The following CECR2 variants were observed in gnomAD, a reference collection of about 807,000 sequenced individuals.
CECR2 encodes the protein CECR2 histone acetyl-lysine reader, also known as chromatin remodeling regulator CECR2.
Under a neutral mutation model 154.5 loss-of-function variants are expected in CECR2, and 30 were observed. The ratio of observed to expected loss-of-function variants is 0.19; its 90% confidence interval spans 0.15 to 0.26. The LOEUF (loss-of-function observed/expected upper bound fraction) is 0.26. Among genes scored for constraint, CECR2 ranks in the 10% least tolerant of loss-of-function variants. The probability of loss-of-function intolerance (pLI) is 1.00; values close to 1 mark genes in which losing one functional copy is unlikely to be tolerated. For missense variants in CECR2, 1,743 were observed against 1,829.3 expected, an observed-to-expected ratio of 0.95 and a Z score of 0.86; for synonymous variants, 725 against 683.7, an observed-to-expected ratio of 1.06 and a Z score of -0.94.
At chr22:17,479,539 G>T (rs1412089059) in intron 2 of CECR2, among the ~76,000 whole-genome samples, 2 of 152,096 alleles carry the variant, frequency 1.3e-5, no homozygotes, top group African/African-American at 4.8e-5. Flanking sequence ...TCACATATGG[G>T]CTGTTTTCTC....
At chr22:17,471,827 G>A (rs183084495) in intron 1 of CECR2, among the ~76,000 whole-genome samples, 311 of 152,198 alleles carry the variant, frequency 2.0e-3, no homozygotes, top group African/African-American at 7.2e-3. Context: ...GAGCCACCAC[G>A]CCTGGCCATA....
At chr22:17,466,563 A>G (rs768804110) in intron 1 of CECR2, among the ~76,000 whole-genome samples, 2 of 151,782 alleles carry the variant, frequency 1.3e-5, no homozygotes, top group Non-Finnish European at 2.9e-5. Flanking sequence ...ATCTGTCCCC[A>G]AGATGGTAAC....
intron 16 of CECR2, among the ~76,000 whole-genome samples, chr22:17,546,359 G>A (rs1037617699): frequency 1.3e-5 from 2 of 151,808 alleles, no homozygotes; most frequent in South Asian, 2.1e-4. Flanking sequence ...GGTGTCGGGC[G>A]CCTGTAGTCC....
intron 8 of CECR2, among the ~76,000 whole-genome samples, chr22:17,523,003 T>TCGG (rs2056183402): frequency 3.0e-4 from 42 of 142,296 alleles, no homozygotes; most frequent in East Asian, 1.2e-3. Flanking sequence ...AGACTCCATC[T>TCGG]CGGGGGGAAA....
In CECR2 at chr22:17,549,431, G is replaced by C; in HGVS notation, c.4144G>C (p.Gly1382Arg). The change falls in exon 17 of 19, where the codon GGC becomes CGC. Residue 1382 changes from glycine (G) to arginine (R), a missense_variant. Coordinates refer to ENST00000262608, the MANE Select transcript of CECR2 (RefSeq NM_001290047.2). ...CCACCCAGGGGCCACCCAGCCCAAC[G>C]GCCTCTCTCAGGAGGGTCCCATCTA... Reference protein sequence around the residue: ...PHHPGATQPNGLSQEGPIYRC... With the variant: ...PHHPGATQPNRLSQEGPIYRC... 1 of 1,613,112 alleles carries C rather than the reference G, an allele frequency of 6.2e-7. No individual in the cohort carries two copies. Among genetic ancestry groups the C allele is most frequent in the East Asian group, 2.2e-5 (1 of 44,858 alleles).
intron 1 of CECR2, among the ~76,000 whole-genome samples, chr22:17,375,675 T>C (rs1036535120): frequency 6.6e-6 from 1 of 151,940 alleles, no homozygotes; most frequent in Non-Finnish European, 1.5e-5. Context: ...AAAATAGTGC[T>C]TTGTCGCTGG....
intron 9 of CECR2, among the ~76,000 whole-genome samples, chr22:17,529,116 T>A (rs946564221): frequency 6.6e-6 from 1 of 152,194 alleles, no homozygotes; most frequent in Admixed American, 6.5e-5. Flanking sequence ...GAAAGCCCTC[T>A]CTGAAGATTT....
chr22:17,418,293 A>C (rs2054185086), intron 1 of CECR2, among the ~76,000 whole-genome samples: 1 of 152,170 alleles, frequency 6.6e-6, no homozygotes, highest in Non-Finnish European at 1.5e-5. Flanking sequence ...TTCCCAGGCT[A>C]ATGTATGGGA....
intron 8 of CECR2, among the ~76,000 whole-genome samples, chr22:17,522,061 T>C (rs1456409285): frequency 6.6e-6 from 1 of 152,172 alleles, no homozygotes; most frequent in African/African-American, 2.4e-5. Context: ...CATATGGTTG[T>C]AGATGTGTGG....
intron 1 of CECR2, among the ~76,000 whole-genome samples, chr22:17,446,531 C>T (rs1233691064): frequency 6.6e-6 from 1 of 152,126 alleles, no homozygotes; most frequent in Non-Finnish European, 1.5e-5. Flanking sequence ...TCCTGGCTAA[C>T]ACGGTGAAAC....
At chr22:17,407,334 G>A (rs928225733) in intron 1 of CECR2, among the ~76,000 whole-genome samples, 18 of 152,230 alleles carry the variant, frequency 1.2e-4, no homozygotes, top group Non-Finnish European at 2.1e-4. Flanking sequence ...GGTGGCTCAC[G>A]CCTGTAATCC....
chr22:17,436,581 T>C (rs1226656361), intron 1 of CECR2, among the ~76,000 whole-genome samples: 1 of 152,236 alleles, frequency 6.6e-6, no homozygotes, highest in Non-Finnish European at 1.5e-5. Flanking sequence ...TGACAACCTT[T>C]TTCTCAAGTT....
chr22:17,360,955 G>A (rs1180716980), intron 1 of CECR2, among the ~76,000 whole-genome samples: 5 of 151,958 alleles, frequency 3.3e-5, no homozygotes, highest in Non-Finnish European at 5.9e-5. Context: ...TTTAGCCCAG[G>A]AATTCAAGAT....
intron 1 of CECR2, among the ~76,000 whole-genome samples, chr22:17,446,794 A>C (rs944509307): frequency 2.0e-5 from 3 of 152,162 alleles, no homozygotes; most frequent in Non-Finnish European, 4.4e-5. Flanking sequence ...GACCGAAAGA[A>C]CAAAGCTTCC....
intron 1 of CECR2, among the ~76,000 whole-genome samples, chr22:17,363,018 G>T (rs1196295828): frequency 1.4e-5 from 2 of 147,716 alleles, no homozygotes; most frequent in Non-Finnish European, 3.0e-5. Context: ...CACGTCCTTT[G>T]CATCCCACTA....
In CECR2 at chr22:17,529,649, G is replaced by C. The variant is rs572374706; in HGVS notation, c.1108+5378G>C. 3.4e-4 allele frequency among the ~76,000 whole-genome samples: 51 copies of C among 150,824 alleles called. 1 individual carries two copies. In the Middle Eastern group the frequency reaches 0.01, roughly 31 times the overall value. ...CGGGAGGCGGAGCTTCCAGTGAGCC[G>C]AGATCGCCCCACCGCACTCCAGCCT... On this transcript the variant is annotated intron_variant, in intron 9 of 18. Transcript: ENST00000262608.
rs114461613 is a variant in CECR2 at position 17,377,185 on chromosome 22, A to G, written c.126+7276A>G. On this transcript the variant is annotated intron_variant, in intron 1 of 18. Transcript: ENST00000262608. Reference sequence around the variant, plus strand: ...TCAAGGTTAGGATCCACATCTTACAAATTAATTACGTACCAAGTGAAAACT... The same window carrying G: ...TCAAGGTTAGGATCCACATCTTACAGATTAATTACGTACCAAGTGAAAACT... 9.2e-3 allele frequency among the ~76,000 whole-genome samples: 1,397 copies of G among 152,294 alleles called. 23 individuals carry two copies. The highest frequency in any genetic ancestry group is 0.032 in the African/African-American group (1,323 of 41,544).
intron 1 of CECR2, among the ~76,000 whole-genome samples, chr22:17,431,770 A>ATTTTTTCACAGAT (rs1555908837): frequency 0.071 from 4,835 of 67,876 alleles, 193 homozygotes; most frequent in East Asian, 0.28. Context: ...TATCCCTCGT[A>ATTTTTTCACAGAT]TTTTTTTTTT....
intron 1 of CECR2, among the ~76,000 whole-genome samples, chr22:17,449,512 CAG>C (rs1793904716): frequency 3.6e-5 from 3 of 83,486 alleles, no homozygotes; most frequent in Non-Finnish European, 6.0e-5. Flanking sequence ...TTTTTTGAGA[CAG>C]AGTCTTGCTC....
Sources: gnomAD v4.1 joint callset for allele counts (sites outside exome capture counted in the v4.1 genomes callset) on GRCh38, gnomAD v4.1.1 for gene constraint, MANE v1.5 for transcripts, NCBI Gene and HGNC (gene_info 2026-07-23, HGNC 2026-07-21) for gene names.